The following ZNF214 variants were observed in gnomAD, a reference collection of about 807,000 sequenced individuals.
ZNF214 encodes BWSCR2-associated zinc finger protein 1.
Under a neutral mutation model 53.9 loss-of-function variants are expected in ZNF214, and 43 were observed. The observed-to-expected ratio is 0.80, with a 90% confidence interval of 0.63 to 1.03. The LOEUF is 1.03. Among genes scored for constraint, ZNF214 ranks in the 50% least tolerant of loss-of-function variants. ZNF214 has a pLI of 0.00. For missense variants in ZNF214, 724 were observed against 719.1 expected (o/e 1.01, Z -0.08); for synonymous variants, 217 against 229.5 (o/e 0.95, Z 0.49).
At chr11:7,009,870 A>G (rs904833833) in intron 1 of ZNF214, among the ~76,000 whole-genome samples, 1 of 152,210 alleles carries the variant, frequency 6.6e-6, no homozygotes. Context: ...ACAGTGAGAT[A>G]CCATATCATA....
Position 6,999,666 on chromosome 11 carries a change from A to G in ZNF214, c.*196T>C, listed in dbSNP as rs531818084. On this transcript the variant is annotated 3_prime_UTR_variant, in exon 3 of 3. Coordinates refer to ENST00000278314, the MANE Select transcript of ZNF214 (RefSeq NM_013249.4). ...ATTTATAGTAGGTAAAGAAAAATAC[A>G]CTATAATTTTAAATATATAGGGTTT... is the stretch of plus-strand genomic sequence containing the variant. The G allele has an allele frequency of 7.8e-4, 384 of 490,698 alleles. 4 individuals carry two copies. In the South Asian group the frequency reaches 0.018, roughly 23 times the overall value. The allele number at this position is 490,698 out of a possible 1,614,324, so 30.4% of individuals were successfully genotyped here.
chr11:7,014,527 A>G (rs995896804), intron 1 of ZNF214, among the ~76,000 whole-genome samples: 2 of 152,202 alleles, frequency 1.3e-5, no homozygotes, highest in Non-Finnish European at 2.9e-5. Context: ...AATATGCAAA[A>G]CTAAACAATT....
rs1187382549 is a variant in ZNF214, at chr11:6,997,648, CCTG to C, written c.*2211_*2213del. On this transcript the variant is annotated 3_prime_UTR_variant, in exon 3 of 3. Transcript: ENST00000278314. ...CAAAAAGAAAATGTTATTATGAGTC[CCTG>C]CTATTTAAGATCAGAAATGTGGCAC... Among the ~76,000 whole-genome samples, 1 of 150,242 alleles carries C rather than the reference CCTG, an allele frequency of 6.7e-6. No homozygotes were observed. The highest frequency in any genetic ancestry group is 1.5e-5 in the Non-Finnish European group (1 of 67,612).
chr11:7,004,758 A>C (rs1246427656), intron 1 of ZNF214, among the ~76,000 whole-genome samples: 1 of 152,074 alleles, frequency 6.6e-6, no homozygotes, highest in African/African-American at 2.4e-5. Context: ...CAGCCATGTG[A>C]GTAAACTATC....
chr11:7,000,008 A>C lies in ZNF214; in HGVS notation c.1675T>G (p.Cys559Gly), dbSNP rs1286101188. The change falls in exon 3 of 3, where the codon TGT (cysteine) becomes GGT (glycine). Residue 559 changes from cysteine to glycine, a missense_variant. Coordinates refer to ENST00000278314, the MANE Select transcript of ZNF214 (RefSeq NM_013249.4). ...GAGCTATGACTGAAACCTTTACCAC[A>C]CTTAGCACATTGATAAGGCTTCTCT... ...TGEKPYQCAK[C>G]GKGFSHSSAL... 1.9e-6 allele frequency: 3 copies of C among 1,613,206 alleles called. No homozygotes were observed. Among genetic ancestry groups the C allele is most frequent in the Non-Finnish European group, 2.5e-6 (3 of 1,179,548 alleles).
chr11:7,012,304 A>G (rs1851623403), intron 1 of ZNF214, among the ~76,000 whole-genome samples: 1 of 152,208 alleles, frequency 6.6e-6, no homozygotes, highest in Non-Finnish European at 1.5e-5. Context: ...ACCAGATAGC[A>G]TTATGAAAAC....
chr11:7,015,165 C>T (rs1450130294), intron 1 of ZNF214, among the ~76,000 whole-genome samples: 1 of 148,750 alleles, frequency 6.7e-6, no homozygotes, highest in African/African-American at 2.5e-5. Flanking sequence ...GATCTCGGCT[C>T]ACTGCAAGCT....
intron 1 of ZNF214, among the ~76,000 whole-genome samples, chr11:7,015,452 G>A (rs764250098): frequency 1.1e-4 from 17 of 151,912 alleles, no homozygotes; most frequent in East Asian, 1.9e-4. Flanking sequence ...GGGCTCACCC[G>A]TGTAATCCCA....
At chr11:7,005,375 A>G (rs1272564111) in intron 1 of ZNF214, among the ~76,000 whole-genome samples, 6 of 152,080 alleles carry the variant, frequency 3.9e-5, no homozygotes, top group Admixed American at 3.3e-4. Flanking sequence ...AAAGAATTAT[A>G]TAAACAATAA....
intron 1 of ZNF214, among the ~76,000 whole-genome samples, chr11:7,012,861 AAAC>A (rs1244025307): frequency 6.6e-6 from 1 of 152,216 alleles, no homozygotes; most frequent in Non-Finnish European, 1.5e-5. Flanking sequence ...TAGTAGCTTA[AAAC>A]AACAATAATT....
rs1049786860 is a variant in ZNF214 at position 7,020,290 on chromosome 11, A to T, written c.-238T>A. On this transcript the variant is annotated 5_prime_UTR_variant, in exon 1 of 3. Transcript: ENST00000278314. The stretch of plus-strand genomic sequence containing the variant: ...CCTGTGAGAGTGGACCGGGATGGCC[A>T]AAACACTCAGTCCACACAAACAATG... The T allele has an allele frequency of 1.1e-4, 17 of 152,468 alleles. No homozygotes were observed. The highest frequency in any genetic ancestry group is 3.9e-4 in the African/African-American group (16 of 41,528). 9.4% of individuals were successfully genotyped at this position (152,468 alleles called of 1,614,324 possible).
chr11:6,998,591 TC>T lies in ZNF214; in HGVS notation c.*1270del, dbSNP rs1475877899. ...TTATTTTGATACAGTATTTCAGAGCTCCCTGAAGTCCTTCTTTGTTGTATCT... is the reference window on the plus strand; with the variant it reads ...TTATTTTGATACAGTATTTCAGAGCTCCTGAAGTCCTTCTTTGTTGTATCT... On this transcript the variant is annotated 3_prime_UTR_variant, in exon 3 of 3. Coordinates refer to ENST00000278314, the MANE Select transcript of ZNF214 (RefSeq NM_013249.4). Among the ~76,000 whole-genome samples the T allele has an allele frequency of 1.3e-5, 2 of 151,976 alleles. No individual in the cohort carries two copies. The highest frequency in any genetic ancestry group is 2.4e-5 in the African/African-American group (1 of 41,420).
intron 1 of ZNF214, among the ~76,000 whole-genome samples, chr11:7,019,430 A>C (rs1378951105): frequency 2.0e-5 from 3 of 152,184 alleles, no homozygotes; most frequent in Admixed American, 6.5e-5. Flanking sequence ...GCACCAGCAC[A>C]CTTAAATAGT....
chr11:7,000,619 T>C lies in ZNF214; in HGVS notation c.1064A>G (p.Glu355Gly), dbSNP rs199536561. The C allele has an allele frequency of 3.1e-6, 5 of 1,605,460 alleles. No homozygotes were observed. Among genetic ancestry groups the C allele is most frequent in the Non-Finnish European group, 4.2e-6 (5 of 1,177,068 alleles). ...ACACTGATTACATTTAAAAGGCTTC[T>C]CTCCTATGTGAAGTCTCTGGTGAAT... ...LHIHQRLHIGEKPFKCNQCGK... is the reference protein window; with the variant it reads ...LHIHQRLHIGGKPFKCNQCGK... The change falls in exon 3 of 3, where the codon GAG (glutamate) becomes GGG (glycine). Residue 355 changes from glutamate to glycine, a missense_variant. By Grantham distance (98) the Glu-to-Gly change is moderately conservative. Coordinates refer to ENST00000278314, the MANE Select transcript of ZNF214 (RefSeq NM_013249.4).
chr11:7,005,896 A>G (rs1851461144), intron 1 of ZNF214, among the ~76,000 whole-genome samples: 1 of 152,068 alleles, frequency 6.6e-6, no homozygotes, highest in Non-Finnish European at 1.5e-5. Context: ...ATGTAATCCT[A>G]ATGAAAAAGA....
Position 6,999,990 on chromosome 11 carries a change from G to A in ZNF214, c.1693C>T (p.His565Tyr), listed in dbSNP as rs1465796145. ...QCAKCGKGFS[H>Y]SSALRIHQRV... ...TGATGAATTCGAAGAGCTGAGCTAT[G>A]ACTGAAACCTTTACCACACTTAGCA... Residue 565 changes from histidine (H) to tyrosine (Y), a missense_variant, in exon 3 of 3, where the codon CAT becomes TAT. Transcript: ENST00000278314. The A allele has an allele frequency of 6.2e-7, 1 of 1,613,258 alleles. No individual in the cohort carries two copies. Among genetic ancestry groups the A allele is most frequent in the Admixed American group, 1.7e-5 (1 of 59,868 alleles).
Position 7,013,103 on chromosome 11 carries a change from G to A in ZNF214, c.-21+6970C>T, listed in dbSNP as rs139744782. On this transcript the variant is annotated intron_variant, in intron 1 of 2. Coordinates refer to ENST00000278314, the MANE Select transcript of ZNF214 (RefSeq NM_013249.4). Reference sequence around the variant, plus strand: ...TCTCCACGTGGTCCTTTCAAGTGGCGGGGGCTATCTGTCAGCATGGTGCAA... The same window carrying A: ...TCTCCACGTGGTCCTTTCAAGTGGCAGGGGCTATCTGTCAGCATGGTGCAA... Among the ~76,000 whole-genome samples, 19 of 152,218 alleles carry A rather than the reference G, an allele frequency of 1.2e-4. No homozygotes were observed. In the East Asian group the frequency reaches 3.1e-3, roughly 25 times the overall value.
chr11:6,997,579 G>T lies in ZNF214; in HGVS notation c.*2283C>A, dbSNP rs1851215942. ...TTAGTTTTATTAAGTTGTAATTTTA[G>T]GTTTGTAAAAAAAAAAAAAAAAGGC... On this transcript the variant is annotated 3_prime_UTR_variant, in exon 3 of 3. Coordinates refer to ENST00000278314, the MANE Select transcript of ZNF214 (RefSeq NM_013249.4). Among the ~76,000 whole-genome samples the T allele has an allele frequency of 7.2e-6, 1 of 138,800 alleles. No individual in the cohort carries two copies. The highest frequency in any genetic ancestry group is 1.5e-5 in the Non-Finnish European group (1 of 65,216). 91.1% of individuals were successfully genotyped at this position (138,800 alleles called of 152,430 possible).
intron 1 of ZNF214, among the ~76,000 whole-genome samples, chr11:7,015,353 G>A (rs1416038724): frequency 3.9e-5 from 6 of 151,990 alleles, no homozygotes; most frequent in Non-Finnish European, 8.8e-5. Context: ...CAAGGTGGGC[G>A]GATCACTTCA....
Sources: allele counts gnomAD v4.1 joint callset (sites outside exome capture counted in the v4.1 genomes callset), GRCh38; gene constraint gnomAD v4.1.1; transcripts MANE v1.5; gene names NCBI Gene and HGNC (gene_info 2026-07-23, HGNC 2026-07-21).